MAOA: variants seen among roughly 807,000 people sequenced by gnomAD.
The protein encoded by MAOA is monoamine oxidase A.
Under a neutral mutation model 42.0 loss-of-function variants are expected in MAOA, and 6 were observed. The observed-to-expected ratio is 0.14, with a 90% CI of 0.08 to 0.28. The LOEUF is 0.28. MAOA is among the 10% of genes least tolerant of loss of function. The pLI is 1.00. For synonymous variants in MAOA, 140 were observed against 154.0 expected (o/e 0.91, Z 0.67); for missense variants, 262 against 422.3 (o/e 0.62, Z 3.33).
In MAOA at chrX:43,744,530, T is replaced by C. The variant is rs1183694591; in HGVS notation, c.*17T>C. The C allele has an allele frequency of 8.3e-7, 1 of 1,204,561 alleles. No individual in the cohort carries two copies. The highest frequency in any genetic ancestry group is 1.8e-5 in the African/African-American group (1 of 56,923). On this transcript the variant is annotated 3_prime_UTR_variant, in exon 15 of 15. Coordinates refer to ENST00000338702, the MANE Select transcript of MAOA (RefSeq NM_000240.4). The stretch of plus-strand genomic sequence containing the variant: ...CGGTCTTGAAGTTCTGTTCTTATGC[T>C]CTCTGCTCACTGGTTTTCAATACCA...
At chrX:43,693,917 T>C (rs1303226090) in intron 3 of MAOA, among the ~76,000 whole-genome samples, 1 of 111,950 alleles carries the variant, frequency 8.9e-6, no homozygotes, top group Non-Finnish European at 1.9e-5. Context: ...GAACTGGTTA[T>C]TCATCCTCAT....
intron 3 of MAOA, among the ~76,000 whole-genome samples, chrX:43,701,400 A>AT (rs752160013): frequency 6.3e-5 from 7 of 111,767 alleles, no homozygotes; most frequent in East Asian, 5.7e-4. Flanking sequence ...TAATTATTAG[A>AT]TTTTTTTCTT....
At chrX:43,709,985 T>C (rs1469874341) in intron 3 of MAOA, among the ~76,000 whole-genome samples, 1 of 112,629 alleles carries the variant, frequency 8.9e-6, no homozygotes, top group African/African-American at 3.2e-5. Flanking sequence ...AGAACAAACC[T>C]ATCTCCACAT....
intron 3 of MAOA, among the ~76,000 whole-genome samples, chrX:43,706,254 G>A (rs1204997817): frequency 8.9e-6 from 1 of 112,233 alleles, no homozygotes; most frequent in Non-Finnish European, 1.9e-5. Flanking sequence ...CTGTTAAATA[G>A]CTATTTGTCC....
chrX:43,703,660 A>G (rs955210497), intron 3 of MAOA, among the ~76,000 whole-genome samples: 5 of 112,159 alleles, frequency 4.5e-5, no homozygotes, highest in South Asian at 3.7e-4. Context: ...TCTAAGCAAC[A>G]TTAATCTTAA....
chrX:43,676,150 G>T (rs2033393376), intron 1 of MAOA, among the ~76,000 whole-genome samples: 1 of 112,056 alleles, frequency 8.9e-6, no homozygotes, highest in African/African-American at 3.2e-5. Context: ...GGGCAATGGC[G>T]GGTGCCCCTC....
upstream of MAOA, chrX:43,656,264 G>A: frequency 1.1e-6 from 1 of 926,587 alleles, no homozygotes; most frequent in Non-Finnish European, 1.6e-6. Flanking sequence ...CTCCCCGGGG[G>A]AGTTGATAGA....
At chrX:43,693,495 T>A (rs1195983498) in intron 3 of MAOA, 67 bp downstream of exon 3, 12 of 1,099,094 alleles carry the variant, frequency 1.1e-5, no homozygotes, top group Non-Finnish European at 1.5e-5. Context: ...ATTTGGTTTG[T>A]TTTTAGTTAT....
At chrX:43,712,129 TC>T (rs1262155977) in intron 4 of MAOA, among the ~76,000 whole-genome samples, 153 bp downstream of exon 4, 1 of 111,677 alleles carries the variant, frequency 9.0e-6, no homozygotes, top group Non-Finnish European at 1.9e-5. Context: ...TATTTCCACT[TC>T]ACAAATGGAA....
chrX:43,696,712 G>T (rs2033582280), intron 3 of MAOA, among the ~76,000 whole-genome samples: 1 of 107,313 alleles, frequency 9.3e-6, no homozygotes, highest in Non-Finnish European at 1.9e-5. Flanking sequence ...CTCCAGCCTG[G>T]GTGACAGAGC....
At chrX:43,743,612 A>C (rs1376858740) in intron 12 of MAOA, 182 bp from the exon 13 acceptor site, 1 of 486,441 alleles carries the variant, frequency 2.1e-6, no homozygotes, top group Non-Finnish European at 3.6e-6. Context: ...TTGAAAGTTC[A>C]GATCCTCTAT....
chrX:43,672,069 C>G (rs964060716), intron 1 of MAOA, among the ~76,000 whole-genome samples: 2 of 111,577 alleles, frequency 1.8e-5, no homozygotes, highest in African/African-American at 6.5e-5. Flanking sequence ...TTCTTCCTAC[C>G]CATGAGCATG....
chrX:43,712,682 G>C (rs1344591967), intron 4 of MAOA, 23 bp from the exon 5 acceptor site: 1 of 1,098,604 alleles, frequency 9.1e-7, no homozygotes, highest in Non-Finnish European at 1.3e-6. Flanking sequence ...TCAAACCTGA[G>C]AGGGGACTTC....
At chrX:43,686,536 C>T (rs1175118821) in intron 2 of MAOA, among the ~76,000 whole-genome samples, 2 of 112,642 alleles carry the variant, frequency 1.8e-5, no homozygotes, top group African/African-American at 3.2e-5. Flanking sequence ...TGGTGGCTCA[C>T]GCCTGTAATC....
intron 5 of MAOA, 88 bp downstream of exon 5, chrX:43,712,884 C>T: frequency 1.5e-6 from 1 of 650,799 alleles, no homozygotes; most frequent in Non-Finnish European, 2.5e-6. Flanking sequence ...CTTTTCTTAA[C>T]AACTTACAGA....
intron 2 of MAOA, among the ~76,000 whole-genome samples, chrX:43,690,095 A>G (rs987132774): frequency 5.5e-5 from 6 of 108,940 alleles, no homozygotes; most frequent in African/African-American, 2.0e-4. Flanking sequence ...TTTCTTTTTT[A>G]TTTATCATTC....
At chrX:43,681,835 A>T (rs2033444958) in intron 1 of MAOA, among the ~76,000 whole-genome samples, 1 of 108,574 alleles carries the variant, frequency 9.2e-6, no homozygotes, top group African/African-American at 3.3e-5. Flanking sequence ...ATGAATGTGG[A>T]TTTAAAAATA....
intron 1 of MAOA, among the ~76,000 whole-genome samples, chrX:43,670,236 G>A (rs906068418): frequency 1.8e-5 from 2 of 111,877 alleles, no homozygotes; most frequent in Admixed American, 9.5e-5. Context: ...ATTTCAAATT[G>A]CACTAGCTCT....
chrX:43,710,858 C>A, intron 3 of MAOA, among the ~76,000 whole-genome samples: 1 of 112,079 alleles, frequency 8.9e-6, no homozygotes, highest in South Asian at 3.7e-4. Flanking sequence ...AGGGAATGTA[C>A]TGAAAGGAAA....
Sources: gnomAD v4.1 joint callset for allele counts (sites outside exome capture counted in the v4.1 genomes callset) on GRCh38, gnomAD v4.1.1 for gene constraint, MANE v1.5 for transcripts, NCBI Gene and HGNC (gene_info 2026-07-23, HGNC 2026-07-21) for gene names.